KCMF1: variants seen among roughly 807,000 people sequenced by gnomAD.
KCMF1 encodes the protein potassium channel modulatory factor 1.
Under a neutral mutation model 41.1 loss-of-function variants are expected in KCMF1, and 3 were observed. That is an observed-to-expected ratio of 0.07 (90% CI 0.03 to 0.19). The LOEUF is 0.19. Ranked by LOEUF, KCMF1 falls within the 10% of genes least tolerant of loss-of-function variation. The pLI, the probability that KCMF1 is intolerant of heterozygous loss-of-function variation, is 1.00. For missense variants in KCMF1, 286 were observed against 488.9 expected (o/e 0.58, Z 3.91); for synonymous variants, 142 against 164.5 (o/e 0.86, Z 1.04).
At chr2:85,039,443 A>T (rs1675473698) in intron 3 of KCMF1, among the ~76,000 whole-genome samples, 1 of 152,178 alleles carries the variant, frequency 6.6e-6, no homozygotes, top group African/African-American at 2.4e-5. Flanking sequence ...TTAAAAAAAA[A>T]ATCAGGCATG....
chr2:85,026,445 GCTT>G (rs1164318542), intron 1 of KCMF1, among the ~76,000 whole-genome samples: 2 of 145,796 alleles, frequency 1.4e-5, no homozygotes, highest in African/African-American at 2.5e-5. Flanking sequence ...CCCTGTTCAA[GCTT>G]CTTTCTTTCC....
At chr2:84,976,316 C>T (rs949434821) in intron 1 of KCMF1, among the ~76,000 whole-genome samples, 2 of 151,618 alleles carry the variant, frequency 1.3e-5, no homozygotes, top group African/African-American at 2.4e-5. Flanking sequence ...GAGTGATTCT[C>T]CTGCCTCAGC....
intron 2 of KCMF1, among the ~76,000 whole-genome samples, chr2:85,028,973 A>ATTTTT (rs1221976077): frequency 2.8e-4 from 43 of 151,934 alleles, no homozygotes; most frequent in Middle Eastern, 3.4e-3. Context: ...ATTTTATTTT[A>ATTTTT]TTTTTTATTT....
At chr2:84,982,668 G>C (rs1048654802) in intron 1 of KCMF1, among the ~76,000 whole-genome samples, 6 of 152,056 alleles carry the variant, frequency 3.9e-5, no homozygotes, top group Non-Finnish European at 5.9e-5. Context: ...CAAAGTGCTA[G>C]GATTACAGGC....
At chr2:84,982,389 CTTTTTTTTTTTTTTTTT>C (rs34687477) in intron 1 of KCMF1, among the ~76,000 whole-genome samples, 7,055 of 48,026 alleles carry the variant, frequency 0.15, 371 homozygotes, top group Non-Finnish European at 0.19. Context: ...TCCTTATTTT[CTTTTTTTTTTTTTTTTT>C]TTTTTTTTTT....
intron 2 of KCMF1, among the ~76,000 whole-genome samples, chr2:85,030,977 C>T (rs1431712016): frequency 6.6e-6 from 1 of 152,192 alleles, no homozygotes; most frequent in Non-Finnish European, 1.5e-5. Flanking sequence ...AGATTGCAGG[C>T]GTGAGCCACC....
chr2:84,978,599 T>C (rs1194820369), intron 1 of KCMF1, among the ~76,000 whole-genome samples: 1 of 151,660 alleles, frequency 6.6e-6, no homozygotes, highest in South Asian at 2.1e-4. Context: ...CAGGCTGGAG[T>C]GCAGTGGCAT....
intron 1 of KCMF1, chr2:84,971,990 G>A (rs1673409323): frequency 6.6e-6 from 1 of 152,112 alleles, no homozygotes; most frequent in African/African-American, 2.4e-5. Flanking sequence ...GGGCGACCGC[G>A]GGGCTGGCGG....
At chr2:84,983,237 AT>A (rs1365136630) in intron 1 of KCMF1, among the ~76,000 whole-genome samples, 1 of 152,236 alleles carries the variant, frequency 6.6e-6, no homozygotes, top group Non-Finnish European at 1.5e-5. Flanking sequence ...TAATAATGAA[AT>A]AACAACCCAC....
chr2:85,046,370 C>T, intron 5 of KCMF1, 92 bp downstream of exon 5: 2 of 956,484 alleles, frequency 2.1e-6, no homozygotes, highest in East Asian at 2.7e-5. Context: ...TGGCTCACAC[C>T]TTTAATCCCA....
At chr2:84,998,910 C>T (rs1674243684) in intron 1 of KCMF1, among the ~76,000 whole-genome samples, 1 of 150,386 alleles carries the variant, frequency 6.6e-6, no homozygotes, top group African/African-American at 2.5e-5. Context: ...CTGTGCTGGG[C>T]CTCTTACCTA....
chr2:85,026,492 A>T lies in KCMF1; in HGVS notation c.17-1397A>T, dbSNP rs112990467. ...TATTATTATTATTATTATTATTATTATTATTTTTATTTTTTCCAGACAGGG... is the reference window on the plus strand; with the variant it reads ...TATTATTATTATTATTATTATTATTTTTATTTTTATTTTTTCCAGACAGGG... On this transcript the variant is annotated intron_variant, in intron 1 of 6. Coordinates refer to ENST00000409785, the MANE Select transcript of KCMF1 (RefSeq NM_020122.5). Among the ~76,000 whole-genome samples, 985 of 143,086 alleles carry T rather than the reference A, an allele frequency of 6.9e-3. 4 individuals carry two copies. Among genetic ancestry groups the T allele is most frequent in the African/African-American group, 0.016 (594 of 37,518 alleles). The allele number at this position is 143,086 out of a possible 152,430, so 93.9% of individuals were successfully genotyped here. A position where few individuals can be genotyped will look rare whatever the true frequency, so the allele number is the denominator to read the frequency against.
intron 1 of KCMF1, among the ~76,000 whole-genome samples, chr2:84,973,825 C>CTTTTTTTTTTT (rs1238178193): frequency 5.5e-4 from 61 of 110,244 alleles, no homozygotes; most frequent in Non-Finnish European, 7.7e-4. Context: ...TTATTTCTTT[C>CTTTTTTTTTTT]TTTTTTTTTT....
At chr2:85,044,218 G>A (rs890221969) in intron 4 of KCMF1, among the ~76,000 whole-genome samples, 12 of 152,076 alleles carry the variant, frequency 7.9e-5, no homozygotes, top group African/African-American at 2.9e-4. Context: ...CCTGTTGTGG[G>A]TGTGGTGTGG....
intron 1 of KCMF1, among the ~76,000 whole-genome samples, chr2:84,972,890 G>A (rs1475486119): frequency 6.6e-6 from 1 of 152,178 alleles, no homozygotes; most frequent in African/African-American, 2.4e-5. Flanking sequence ...CAAGTGTTGG[G>A]CATTTTGAAA....
chr2:85,016,878 C>A (rs572894420), intron 1 of KCMF1, among the ~76,000 whole-genome samples: 1 of 151,872 alleles, frequency 6.6e-6, no homozygotes, highest in Non-Finnish European at 1.5e-5. Context: ...TTAGTAGAGA[C>A]GAGGTTTCAC....
At chr2:84,984,696 C>G (rs767634374) in intron 1 of KCMF1, among the ~76,000 whole-genome samples, 47 of 152,018 alleles carry the variant, frequency 3.1e-4, no homozygotes, top group Non-Finnish European at 5.4e-4. Context: ...GGCGCATGCC[C>G]ATAATCCTAG....
rs1475246455 is a variant in KCMF1, at chr2:84,971,428, C to T, written c.-24C>T. The T allele has an allele frequency of 2.6e-5, 32 of 1,245,724 alleles. No homozygotes were observed. Among genetic ancestry groups the T allele is most frequent in the Non-Finnish European group, 3.1e-5 (30 of 975,282 alleles). 77.2% of individuals were successfully genotyped at this position (1,245,724 alleles called of 1,614,324 possible). The stretch of plus-strand genomic sequence containing the variant: ...ACTGCAGCCGGAGCCCGGGAGGGGC[C>T]GCGCCGCCACCGTCTGAACTAGGAT... On this transcript the variant is annotated 5_prime_UTR_variant, in exon 1 of 7. Coordinates refer to ENST00000409785, the MANE Select transcript of KCMF1 (RefSeq NM_020122.5).
chr2:85,000,544 T>C (rs1327925971), intron 1 of KCMF1, among the ~76,000 whole-genome samples: 2 of 152,196 alleles, frequency 1.3e-5, no homozygotes, highest in East Asian at 1.9e-4. Context: ...TTGGAAGTTA[T>C]AGCTCCGAAA....
Sources: gnomAD v4.1 joint callset for allele counts (sites outside exome capture counted in the v4.1 genomes callset) on GRCh38, gnomAD v4.1.1 for gene constraint, MANE v1.5 for transcripts, NCBI Gene and HGNC (gene_info 2026-07-23, HGNC 2026-07-21) for gene names.